The following KIAA2012 variants were observed in gnomAD, a reference collection of about 807,000 sequenced individuals.
KIAA2012 encodes KIAA2012, also known as uncharacterized protein KIAA2012.
In KIAA2012, 125 loss-of-function variants were observed where a neutral mutation model predicts 150.6. The ratio of observed to expected loss-of-function variants is 0.83; its 90% CI spans 0.72 to 0.96. The LOEUF is 0.96. Ranked by LOEUF, KIAA2012 falls within the 40% of genes least tolerant of loss-of-function variation. The pLI is 0.00. For synonymous variants in KIAA2012, 462 were observed against 504.7 expected (o/e 0.92, Z 1.13); for missense variants, 1,219 against 1,354.9 (o/e 0.90, Z 1.57).
intron 15 of KIAA2012, among the ~76,000 whole-genome samples, chr2:202,181,949 A>G (rs966187012): frequency 6.6e-6 from 1 of 152,070 alleles, no homozygotes; most frequent in East Asian, 1.9e-4. Flanking sequence ...TCGAAATACA[A>G]TATTCATCAC....
At chr2:202,196,261 C>G (rs1400227862) in intron 21 of KIAA2012, among the ~76,000 whole-genome samples, 1 of 135,492 alleles carries the variant, frequency 7.4e-6, no homozygotes, top group Non-Finnish European at 1.5e-5. Context: ...ACGGCGCGAT[C>G]TCGGTTCACT....
intron 14 of KIAA2012, among the ~76,000 whole-genome samples, chr2:202,156,503 A>AGATC (rs1691529223): frequency 6.6e-6 from 1 of 152,190 alleles, no homozygotes. Context: ...AAACAGACCA[A>AGATC]GATCCCTACC....
At chr2:202,082,569 G>C (rs7576034) in intron 2 of KIAA2012, among the ~76,000 whole-genome samples, 124,638 of 151,622 alleles carry the variant, frequency 0.82, 51,449 homozygotes, top group African/African-American at 0.85. Flanking sequence ...GTACTCCAGC[G>C]TGGGTGACAG....
chr2:202,168,064 A>G (rs1325371256), intron 15 of KIAA2012, among the ~76,000 whole-genome samples: 2 of 152,068 alleles, frequency 1.3e-5, no homozygotes, highest in Non-Finnish European at 2.9e-5. Flanking sequence ...GGATACTAAC[A>G]GTACTTATCT....
At chr2:202,199,296 A>G (rs962036519) in intron 22 of KIAA2012, among the ~76,000 whole-genome samples, 5 of 151,954 alleles carry the variant, frequency 3.3e-5, no homozygotes, top group Non-Finnish European at 7.4e-5. Context: ...TTTTTGAGAC[A>G]GAGTCTCACT....
At position 202,096,087 on chromosome 2, in the gene KIAA2012, C is replaced by T. The variant is rs529476933; in HGVS notation, c.686-1348C>T. Among the ~76,000 whole-genome samples the T allele has an allele frequency of 2.6e-5, 4 of 152,068 alleles. No individual in the cohort carries two copies. In the East Asian group the frequency reaches 7.7e-4, roughly 29 times the overall value. ...CAACAGAGTGAGACTACGTCCCCCG[C>T]ACCCCCCACCCAAAAAAAAAGAGAC... On this transcript the variant is annotated intron_variant, in intron 4 of 23. Transcript: ENST00000498697.
intron 13 of KIAA2012, among the ~76,000 whole-genome samples, chr2:202,153,556 C>G (rs1308048455): frequency 6.6e-6 from 1 of 152,258 alleles, no homozygotes; most frequent in Non-Finnish European, 1.5e-5. Context: ...ATTGCTTTTT[C>G]ATGGGACCTT....
At chr2:202,114,886 T>C (rs930648803) in intron 11 of KIAA2012, 2 of 160,970 alleles carry the variant, frequency 1.2e-5, no homozygotes, top group African/African-American at 4.8e-5. Context: ...ATTCACTGCA[T>C]GCTTATTGAA....
chr2:202,149,016 C>T (rs888598367), intron 13 of KIAA2012, among the ~76,000 whole-genome samples: 2 of 152,154 alleles, frequency 1.3e-5, no homozygotes, highest in Non-Finnish European at 1.5e-5. Context: ...CAACAGGGCC[C>T]GGGAAGGCCA....
chr2:202,190,144 A>T, intron 18 of KIAA2012, 30 bp from the exon 19 acceptor site: 1 of 1,479,834 alleles, frequency 6.8e-7, no homozygotes. Context: ...TAACTCAGCT[A>T]TATCTCTATC....
intron 2 of KIAA2012, among the ~76,000 whole-genome samples, chr2:202,080,082 A>T (rs1004254280): frequency 1.3e-5 from 2 of 152,170 alleles, no homozygotes; most frequent in Non-Finnish European, 2.9e-5. Context: ...CTAGAATTGG[A>T]GACCAACAAC....
At position 202,193,322 on chromosome 2, in the gene KIAA2012, CAGG is replaced by C. The variant is rs1263167184; in HGVS notation, c.2836_2838del (p.Glu946del). 2 of 1,549,726 alleles carry C rather than the reference CAGG, an allele frequency of 1.3e-6. No homozygotes were observed. The highest frequency in any genetic ancestry group is 2.4e-5 in the East Asian group (1 of 40,920). On this transcript the variant is annotated inframe_deletion, in exon 20 of 24. Transcript: ENST00000498697. ...TTAGGCCCTCCTCACTAAGAGGGAG[CAGG>C]AGAAGGCTTCCTGGGACAGGCTTCG...
At chr2:202,125,330 A>C in intron 12 of KIAA2012, 48 bp downstream of exon 12, 1 of 1,400,224 alleles carries the variant, frequency 7.1e-7, no homozygotes, top group Non-Finnish European at 9.9e-7. Flanking sequence ...ATGTAATTTG[A>C]CTCATGATCA....
chr2:202,150,880 C>T (rs1691413143), intron 13 of KIAA2012, among the ~76,000 whole-genome samples: 1 of 152,176 alleles, frequency 6.6e-6, no homozygotes, highest in Admixed American at 6.5e-5. Context: ...TCTTCTCTCT[C>T]CTGTACCTTT....
intron 18 of KIAA2012, 22 bp downstream of exon 18, chr2:202,188,288 T>C: frequency 6.5e-7 from 1 of 1,536,108 alleles, no homozygotes; most frequent in Non-Finnish European, 8.8e-7. Flanking sequence ...TGCCTGCAAG[T>C]AACAACCTGG....
At chr2:202,097,750 T>G (rs1005754319) in intron 5 of KIAA2012, among the ~76,000 whole-genome samples, 173 bp downstream of exon 5, 1 of 152,026 alleles carries the variant, frequency 6.6e-6, no homozygotes, top group Non-Finnish European at 1.5e-5. Flanking sequence ...CCTCCAGGCC[T>G]GGCTAATTTT....
intron 8 of KIAA2012, 144 bp from the exon 9 acceptor site, chr2:202,105,617 T>C (rs1179707475): frequency 5.4e-6 from 6 of 1,118,500 alleles, no homozygotes; most frequent in South Asian, 1.6e-5. Flanking sequence ...TTCAGTTCCA[T>C]AGCCCTCTCT....
At chr2:202,177,339 A>G (rs1405539383) in intron 15 of KIAA2012, among the ~76,000 whole-genome samples, 1 of 152,188 alleles carries the variant, frequency 6.6e-6, no homozygotes, top group African/African-American at 2.4e-5. Flanking sequence ...GAGACTGATT[A>G]CCTCTGGGAG....
rs1220051194 is a variant in KIAA2012, at chr2:202,093,058, G to A, written c.558G>A (p.Gln186=). The A allele has an allele frequency of 6.5e-7, 1 of 1,550,366 alleles. No individual in the cohort carries two copies. The highest frequency in any genetic ancestry group is 1.4e-5 in the African/African-American group (1 of 72,962). ...ACATCAAGGATTCTGTGCTACTCCA[G>A]GACAGTCAACTTAATGTACCAAAGA... ...AGYIKDSVLL[Q]DSQLNVPKKL... is the part of the protein sequence containing the mutation. The change falls in exon 4 of 24, where the codon CAG becomes CAA. Residue 186 remains glutamine (Q), a synonymous_variant. Coordinates refer to ENST00000498697, the MANE Select transcript of KIAA2012 (RefSeq NM_001277372.4).
Sources: allele counts gnomAD v4.1 joint callset (sites outside exome capture counted in the v4.1 genomes callset), GRCh38; gene constraint gnomAD v4.1.1; transcripts MANE v1.5; gene names NCBI Gene and HGNC (gene_info 2026-07-23, HGNC 2026-07-21).